Variants in ANKRD44 observed in about 807,000 individuals in gnomAD.
ANKRD44 encodes the protein serine/threonine-protein phosphatase 6 regulatory ankyrin repeat subunit B.
ANKRD44 carries 35 observed loss-of-function variants against 116.0 expected under a neutral mutation model. The ratio of observed to expected loss-of-function variants is 0.30; its 90% CI spans 0.23 to 0.40. The LOEUF is 0.40. Among genes scored for constraint, ANKRD44 ranks in the 10% least tolerant of loss-of-function variants. The pLI, the probability that ANKRD44 is intolerant of heterozygous loss-of-function variation, is 1.00. For missense variants in ANKRD44, 1,014 were observed against 1,242.6 expected, an observed-to-expected ratio of 0.82 and a Z score of 2.77; for synonymous variants, 435 against 461.8, an observed-to-expected ratio of 0.94 and a Z score of 0.74.
chr2:197,190,048 T>C (rs9288272), intron 1 of ANKRD44, among the ~76,000 whole-genome samples: 59,319 of 152,092 alleles, frequency 0.39, 14,827 homozygotes, highest in African/African-American at 0.72. Context: ...CTGGGACTAA[T>C]GCTGCTAAAA....
Position 197,218,806 on chromosome 2 carries a change from C to T in ANKRD44, c.28-31700G>A, listed in dbSNP as rs903412389. The stretch of plus-strand genomic sequence containing the variant: ...ATGGAGTCTTGCTCTGTCACCCAGG[C>T]TGGAGTACAGTGACACAATCTTGGC... On this transcript the variant is annotated intron_variant, in intron 1 of 27. Coordinates refer to ENST00000282272, the MANE Select transcript of ANKRD44 (RefSeq NM_001195144.2). Among the ~76,000 whole-genome samples, 5 of 112,486 alleles carry T rather than the reference C, an allele frequency of 4.4e-5. No individual in the cohort carries two copies. The Admixed American group carries it at 6.6e-4, about 15-fold the overall frequency. The allele number at this position is 112,486 out of a possible 152,430, so 73.8% of individuals were successfully genotyped here.
intron 4 of ANKRD44, among the ~76,000 whole-genome samples, chr2:197,132,681 A>G (rs577131744): frequency 3.3e-5 from 5 of 152,318 alleles, no homozygotes; most frequent in Admixed American, 3.3e-4. Context: ...CCCTGCATGC[A>G]TAAAAGATTA....
chr2:197,010,040 G>A (rs1009972625), intron 18 of ANKRD44, among the ~76,000 whole-genome samples: 1 of 152,028 alleles, frequency 6.6e-6, no homozygotes, highest in Non-Finnish European at 1.5e-5. Flanking sequence ...AGGGGAGCAG[G>A]AGCAGGATGG....
intron 16 of ANKRD44, among the ~76,000 whole-genome samples, chr2:197,031,438 G>A (rs2076705425): frequency 6.6e-6 from 1 of 152,134 alleles, no homozygotes; most frequent in Non-Finnish European, 1.5e-5. Context: ...CAAACTTCTG[G>A]GCTAAAGCAA....
intron 16 of ANKRD44, among the ~76,000 whole-genome samples, chr2:197,035,292 G>A (rs1226508485): frequency 6.6e-6 from 1 of 152,080 alleles, no homozygotes; most frequent in Non-Finnish European, 1.5e-5. Context: ...ATGAAAACAT[G>A]GCAGGGAAAA....
chr2:197,250,852 G>A (rs1574361446), intron 1 of ANKRD44: 1 of 152,182 alleles, frequency 6.6e-6, no homozygotes, highest in Non-Finnish European at 1.5e-5. Flanking sequence ...AAGCAGAAAA[G>A]ACAGGTGACA....
intron 4 of ANKRD44, among the ~76,000 whole-genome samples, chr2:197,127,668 T>A (rs1443279333): frequency 1.3e-5 from 2 of 152,218 alleles, no homozygotes; most frequent in African/African-American, 4.8e-5. Context: ...AAATTTTTTT[T>A]AATCAACTTT....
chr2:197,121,316 A>G lies in ANKRD44; in HGVS notation c.906+16T>C. ...CAATGCAAAGGCATTCAACACAGAGACTAAGAGTGTCATACCTGAATGTTA... is the reference window on the plus strand; with the variant it reads ...CAATGCAAAGGCATTCAACACAGAGGCTAAGAGTGTCATACCTGAATGTTA... On this transcript the variant is annotated intron_variant, in intron 8 of 27. Transcript: ENST00000282272. The G allele has an allele frequency of 6.2e-7, 1 of 1,610,150 alleles. No individual in the cohort carries two copies. The highest frequency in any genetic ancestry group is 2.2e-5 in the East Asian group (1 of 44,870).
At chr2:197,007,944 G>A (rs1574263276) in intron 19 of ANKRD44, 21 bp from the exon 20 acceptor site, 2 of 1,565,228 alleles carry the variant, frequency 1.3e-6, no homozygotes. Flanking sequence ...AGATAAAGCA[G>A]GCTTTTAAAA....
At chr2:197,298,606 C>T (rs1206292189) in intron 1 of ANKRD44, among the ~76,000 whole-genome samples, 1 of 152,100 alleles carries the variant, frequency 6.6e-6, no homozygotes, top group Non-Finnish European at 1.5e-5. Flanking sequence ...AAGAATGTAT[C>T]ACTTAAATAG....
intron 1 of ANKRD44, among the ~76,000 whole-genome samples, chr2:197,204,095 T>C (rs1404697273): frequency 6.6e-6 from 1 of 152,166 alleles, no homozygotes; most frequent in Non-Finnish European, 1.5e-5. Context: ...GTTAGGTGTA[T>C]TTTGCCACAA....
chr2:196,970,950 G>T (rs112143675), intron 21 of ANKRD44, among the ~76,000 whole-genome samples: 3 of 152,038 alleles, frequency 2.0e-5, no homozygotes, highest in Non-Finnish European at 2.9e-5. Context: ...TGATCCTCCC[G>T]CCTCGGCCTC....
At position 197,187,055 on chromosome 2, in the gene ANKRD44, G is replaced by C; in HGVS notation, c.79C>G (p.Leu27Val). 6.2e-7 allele frequency: 1 copy of C among 1,614,072 alleles called. No individual in the cohort carries two copies. Among genetic ancestry groups the C allele is most frequent in the Non-Finnish European group, 8.5e-7 (1 of 1,180,006 alleles). ...FSGDPEEIRM[L>V]IHKTEDVNTL... ...TTCACATCTTCAGTTTTATGGATGA[G>C]CATCCGGATCTCCTCTGGATCACCG... is the stretch of plus-strand genomic sequence containing the variant. The change falls in exon 2 of 28, where the codon CTC (leucine) becomes GTC (valine). Residue 27 changes from leucine (L) to valine (V), a missense_variant. Leu to Val is a conservative substitution (Grantham distance 32). Transcript: ENST00000282272.
intron 22 of ANKRD44, among the ~76,000 whole-genome samples, chr2:197,001,049 T>A (rs2376210): frequency 0.83 from 126,943 of 152,242 alleles, 54,048 homozygotes; most frequent in East Asian, 0.96. Flanking sequence ...AAAAACAAAA[T>A]ATAAACAAAA....
intron 1 of ANKRD44, among the ~76,000 whole-genome samples, chr2:197,189,819 A>C (rs1267880506): frequency 2.0e-5 from 3 of 152,228 alleles, no homozygotes; most frequent in Non-Finnish European, 4.4e-5. Flanking sequence ...TAGTTAATGC[A>C]CCACTACTTA....
intron 2 of ANKRD44, among the ~76,000 whole-genome samples, chr2:197,178,698 T>G (rs1234209776): frequency 6.6e-6 from 1 of 152,198 alleles, no homozygotes; most frequent in Non-Finnish European, 1.5e-5. Context: ...TTTTTATCTT[T>G]TCTATTATGC....
intron 1 of ANKRD44, among the ~76,000 whole-genome samples, chr2:197,208,246 G>A (rs750567167): frequency 2.0e-5 from 3 of 152,088 alleles, no homozygotes; most frequent in African/African-American, 4.8e-5. Flanking sequence ...ACCCCCACGC[G>A]CCCCAATAGT....
chr2:197,169,514 T>C (rs925033634), intron 2 of ANKRD44, among the ~76,000 whole-genome samples: 3 of 152,118 alleles, frequency 2.0e-5, no homozygotes, highest in African/African-American at 7.2e-5. Flanking sequence ...ATATGTTGAG[T>C]GAATAAATTT....
chr2:197,090,398 C>A (rs924320912), intron 10 of ANKRD44, among the ~76,000 whole-genome samples: 1 of 152,080 alleles, frequency 6.6e-6, no homozygotes, highest in African/African-American at 2.4e-5. Context: ...ACTTTCTAAG[C>A]ATCATAGACT....
Sources: gnomAD v4.1 joint callset for allele counts (sites outside exome capture counted in the v4.1 genomes callset) on GRCh38, gnomAD v4.1.1 for gene constraint, MANE v1.5 for transcripts, NCBI Gene and HGNC (gene_info 2026-07-23, HGNC 2026-07-21) for gene names.